Variants in CDK10 observed in about 807,000 individuals in gnomAD.
CDK10 encodes cyclin dependent kinase 10, also known as cyclin-dependent kinase 10.
CDK10 carries 55 observed loss-of-function variants against 51.0 expected under a neutral mutation model. That is an observed-to-expected ratio of 1.08 (90% CI 0.87 to 1.35). The LOEUF (loss-of-function observed/expected upper bound fraction) is 1.35. Among genes scored for constraint, CDK10 ranks in the 40% most tolerant of loss-of-function variants. CDK10 has a pLI of 0.00. For synonymous variants in CDK10, 255 were observed against 199.1 expected (o/e 1.28, Z -2.36); for missense variants, 589 against 485.1 (o/e 1.21, Z -2.01).
chr16:89,694,528 C>G (rs1432223126), intron 9 of CDK10, 137 bp from the exon 10 acceptor site: 3 of 1,463,554 alleles, frequency 2.0e-6, no homozygotes, highest in Non-Finnish European at 1.8e-6. Context: ...CCCTGCCTGT[C>G]CTTCACAGTG....
chr16:89,695,460 G>A, intron 12 of CDK10, 115 bp downstream of exon 12: 6 of 1,472,666 alleles, frequency 4.1e-6, no homozygotes, highest in Non-Finnish European at 5.6e-6. Context: ...ACCCTTTCTG[G>A]GGTAAGAGGA....
At chr16:89,690,693 T>C in intron 3 of CDK10, 69 bp downstream of exon 3, 1 of 1,369,410 alleles carries the variant, frequency 7.3e-7, no homozygotes, top group Non-Finnish European at 1.0e-6. Flanking sequence ...TTACCTGAAG[T>C]TTCCTCAGAG....
Position 89,695,877 on chromosome 16 carries a change from C to T in CDK10, c.*185C>T, listed in dbSNP as rs1489619534. The T allele has an allele frequency of 9.6e-6, 13 of 1,357,234 alleles. No individual in the cohort carries two copies. In the East Asian group the frequency reaches 1.0e-4, roughly 10 times the overall value. 84.1% of individuals were successfully genotyped at this position (1,357,234 alleles called of 1,614,324 possible). A position where few individuals can be genotyped will look rare whatever the true frequency, so the allele number is the denominator to read the frequency against. ...CCCACTGCTGCCCCCAGAAAAAGGC[C>T]GGGTGACACCGGGGGGCTCCCAGCC... On this transcript the variant is annotated 3_prime_UTR_variant, in exon 13 of 13. Transcript: ENST00000353379.
chr16:89,695,025 GGCTGCGCCT>G lies in CDK10; in HGVS notation c.893_901del (p.Arg298_Leu300del). 1 of 1,613,238 alleles carries G rather than the reference GGCTGCGCCT, an allele frequency of 6.2e-7. No homozygotes were observed. Among genetic ancestry groups the G allele is most frequent in the Non-Finnish European group, 8.5e-7 (1 of 1,180,032 alleles). Reference sequence around the variant, plus strand: ...AAGTTCCCATGGCTGTCGGAGGCCGGGCTGCGCCTGCTGCACTTCCTGTTCATGTACGAC... The same window carrying G: ...AAGTTCCCATGGCTGTCGGAGGCCGGGCTGCACTTCCTGTTCATGTACGAC... On this transcript the variant is annotated inframe_deletion, in exon 11 of 13. Transcript: ENST00000353379.
At chr16:89,694,849 C>G in intron 10 of CDK10, 61 bp downstream of exon 10, 1 of 1,520,912 alleles carries the variant, frequency 6.6e-7, no homozygotes. Context: ...CGCCCGCAGC[C>G]CCCGCCCGTG....
At chr16:89,688,272 C>T (rs1162740363) in intron 1 of CDK10, among the ~76,000 whole-genome samples, 1 of 151,864 alleles carries the variant, frequency 6.6e-6, no homozygotes, top group Non-Finnish European at 1.5e-5. Flanking sequence ...TTAGTAGAGA[C>T]GGAGTTTCAC....
Position 89,694,767 on chromosome 16 carries a change from G to A in CDK10, c.771G>A (p.Thr257=), listed in dbSNP as rs761840490. The change falls in exon 10 of 13, where the codon ACG becomes ACA. Residue 257 remains threonine, a synonymous_variant. Transcript: ENST00000353379. ...QIDLIVQLLG[T]PSENIWPGFS... ...ACTTGATCGTGCAGCTGCTGGGCAC[G>A]CCCAGTGAGAACATCTGGCCGGTGG... The A allele has an allele frequency of 2.1e-5, 33 of 1,564,646 alleles. No homozygotes were observed. The highest frequency in any genetic ancestry group is 1.9e-4 in the Admixed American group (10 of 52,586).
rs992255967 is a variant in CDK10 at position 89,694,227 on chromosome 16, C to T, written c.663C>T (p.Asp221=). ...CCACCACGCAGACCACCAGCATCGA[C>T]ATGTGGTGAGGAGATACGGTTACCG... ...LGTTTQTTSI[D]MWAVGCILAE... is the part of the protein sequence containing the mutation. The change falls in exon 9 of 13, where the codon GAC becomes GAT. Residue 221 remains aspartate, a synonymous_variant. Transcript: ENST00000353379. 3 of 1,613,742 alleles carry T rather than the reference C, an allele frequency of 1.9e-6. No individual in the cohort carries two copies. The highest frequency in any genetic ancestry group is 2.2e-5 in the East Asian group (1 of 44,888).
rs758287433 is a variant in CDK10 at position 89,691,834 on chromosome 16, C to T, written c.364C>T (p.Gln122Ter). Residue 122 changes from glutamine to a stop codon, truncating the protein, a stop_gained, in exon 5 of 13, where the codon CAG (glutamine) becomes TAG (stop). Coordinates refer to ENST00000353379, the MANE Select transcript of CDK10 (RefSeq NM_052988.5). LOFTEE classifies it high-confidence loss of function. ...SIFLVMGYCE[Q>*]DLASLLENMP... is the part of the protein sequence containing the mutation. ...CTTCCTGGTGATGGGTTACTGTGAGCAGGACCTGGCCAGCCTCCTGGAGAA... is the reference window on the plus strand; with the variant it reads ...CTTCCTGGTGATGGGTTACTGTGAGTAGGACCTGGCCAGCCTCCTGGAGAA... The T allele has an allele frequency of 1.2e-6, 2 of 1,613,996 alleles. No individual in the cohort carries two copies. The highest frequency in any genetic ancestry group is 1.7e-6 in the Non-Finnish European group (2 of 1,179,974).
Position 89,691,523 on chromosome 16 carries a change from G to A in CDK10, c.313G>A (p.Val105Ile). ...GAACATCGTGGAGCTGAAGGAGGTG[G>A]TTGTGGGGAACCACCTGGAGAGGTA... ...HPNIVELKEV[V>I]VGNHLESIFL... is the part of the protein sequence containing the mutation. The change falls in exon 4 of 13, where the codon GTT becomes ATT. Residue 105 changes from valine to isoleucine, a missense_variant. By Grantham distance (29) the Val-to-Ile change is conservative. Coordinates refer to ENST00000353379, the MANE Select transcript of CDK10 (RefSeq NM_052988.5). 6.2e-7 allele frequency: 1 copy of A among 1,613,992 alleles called. No individual in the cohort carries two copies. Among genetic ancestry groups the A allele is most frequent in the Non-Finnish European group, 8.5e-7 (1 of 1,179,922 alleles).
rs765530722 is a variant in CDK10, at chr16:89,695,693, C to T, written c.*1C>T. 37 of 1,594,460 alleles carry T rather than the reference C, an allele frequency of 2.3e-5. No individual in the cohort carries two copies. Among genetic ancestry groups the T allele is most frequent in the South Asian group, 6.8e-5 (6 of 88,374 alleles). On this transcript the variant is annotated 3_prime_UTR_variant, in exon 13 of 13. Coordinates refer to ENST00000353379, the MANE Select transcript of CDK10 (RefSeq NM_052988.5). Reference sequence around the variant, plus strand: ...CCAGAGCAAGCGCTGTAAACCCTGACGGTGGGCCTGGCACACGCCTGTATT... The same window carrying T: ...CCAGAGCAAGCGCTGTAAACCCTGATGGTGGGCCTGGCACACGCCTGTATT...
In CDK10 at chr16:89,695,631, A is replaced by G. The variant is rs774487295; in HGVS notation, c.1022A>G (p.His341Arg). Residue 341 changes from histidine to arginine, a missense_variant, in exon 13 of 13, where the codon CAC becomes CGC. Physicochemically the swap from His to Arg is conservative, Grantham distance 29. Coordinates refer to ENST00000353379, the MANE Select transcript of CDK10 (RefSeq NM_052988.5). ...GAGCTCATGCCGACCTTTCCCCACC[A>G]CCGCAACAAGCGGGCCGCCCCAGCC... is the stretch of plus-strand genomic sequence containing the variant. ...EPELMPTFPHHRNKRAAPATS... is the reference protein window; with the variant it reads ...EPELMPTFPHRRNKRAAPATS... The G allele has an allele frequency of 6.2e-7, 1 of 1,605,478 alleles. No individual in the cohort carries two copies. The highest frequency in any genetic ancestry group is 1.7e-5 in the Admixed American group (1 of 59,478).
intron 1 of CDK10, chr16:89,687,284 C>T (rs1335979308): frequency 5.7e-6 from 2 of 353,346 alleles, no homozygotes; most frequent in Admixed American, 3.6e-5. Context: ...CCGGTGCCTC[C>T]CTCTGCAGAG....
intron 5 of CDK10, 94 bp downstream of exon 5, chr16:89,691,981 A>C (rs1265132520): frequency 3.0e-6 from 3 of 992,208 alleles, no homozygotes; most frequent in Non-Finnish European, 4.5e-6. Context: ...GGACTTGAAG[A>C]GCTGCTGCTG....
chr16:89,686,992 G>T (rs2060219749), intron 1 of CDK10, 195 bp downstream of exon 1: 7 of 512,644 alleles, frequency 1.4e-5, no homozygotes, highest in Non-Finnish European at 2.4e-5. Flanking sequence ...GGTCCCTGGA[G>T]ATCTGAGGGG....
chr16:89,693,453 G>T lies in CDK10; in HGVS notation c.594G>T (p.Lys198Asn). Residue 198 changes from lysine (K) to asparagine (N), a missense_variant, in exon 8 of 13, where the codon AAG becomes AAT. Physicochemically the swap from Lys to Asn is moderately conservative, Grantham distance 94. Coordinates refer to ENST00000353379, the MANE Select transcript of CDK10 (RefSeq NM_052988.5). Reference sequence around the variant, plus strand: ...TCCCAGTAAAGCCAATGACCCCCAAGGTGGTCACTCTCTGGTAAGTCCTTC... The same window carrying T: ...TCCCAGTAAAGCCAATGACCCCCAATGTGGTCACTCTCTGGTAAGTCCTTC... Reference protein sequence around the residue: ...YGVPVKPMTPKVVTLWYRAPE... With the variant: ...YGVPVKPMTPNVVTLWYRAPE... 6.2e-7 allele frequency: 1 copy of T among 1,614,158 alleles called. No individual in the cohort carries two copies. Among genetic ancestry groups the T allele is most frequent in the African/African-American group, 1.3e-5 (1 of 75,066 alleles).
intron 1 of CDK10, 25 bp downstream of exon 1, chr16:89,686,822 C>T (rs2060208147): frequency 4.4e-6 from 7 of 1,573,946 alleles, no homozygotes; most frequent in Admixed American, 1.7e-5. Context: ...ACCCGGGCAG[C>T]TCTGCCCGCC....
rs576158884 is a variant in CDK10, at chr16:89,688,785, C to T, written c.88-467C>T. Among the ~76,000 whole-genome samples the T allele has an allele frequency of 8.5e-5, 13 of 152,290 alleles. No homozygotes were observed. In the South Asian group the frequency reaches 2.3e-3, roughly 27 times the overall value. ...TTCTTTCAAAGCATTGGCCCAGTAT[C>T]GTCACCACCTTTTCTCATCAGAAAA... is the stretch of plus-strand genomic sequence containing the variant. On this transcript the variant is annotated intron_variant, in intron 1 of 12. Coordinates refer to ENST00000353379, the MANE Select transcript of CDK10 (RefSeq NM_052988.5).
At chr16:89,694,853 G>A (rs2060633048) in intron 10 of CDK10, 65 bp downstream of exon 10, 9 of 1,260,274 alleles carry the variant, frequency 7.1e-6, no homozygotes, top group Middle Eastern at 2.4e-4. Context: ...CGCAGCCCCC[G>A]CCCGTGCCCA....
Sources: gnomAD v4.1 joint callset for allele counts (sites outside exome capture counted in the v4.1 genomes callset) on GRCh38, gnomAD v4.1.1 for gene constraint, MANE v1.5 for transcripts, NCBI Gene and HGNC (gene_info 2026-07-23, HGNC 2026-07-21) for gene names.